COL19A1: variants seen among roughly 807,000 people sequenced by gnomAD.
The protein encoded by COL19A1 is collagen alpha-1(XIX) chain.
In COL19A1, 159 loss-of-function variants were observed where a neutral mutation model predicts 190.2. The observed-to-expected ratio is 0.84, with a 90% CI of 0.73 to 0.95. COL19A1 has a LOEUF of 0.95. Ranked by LOEUF, COL19A1 falls within the 40% of genes least tolerant of loss-of-function variation. COL19A1 has a pLI of 0.00. For missense variants in COL19A1, 1,418 were observed against 1,431.9 expected, an observed-to-expected ratio of 0.99 and a Z score of 0.16; for synonymous variants, 509 against 458.9, an observed-to-expected ratio of 1.11 and a Z score of -1.39.
intron 8 of COL19A1, 115 bp from the exon 9 acceptor site, chr6:69,937,923 G>A (rs1773212268): frequency 5.3e-6 from 5 of 940,888 alleles, no homozygotes; most frequent in Admixed American, 4.6e-5. Flanking sequence ...CTAAGCATCA[G>A]CTCAGAGGAG....
Position 70,144,987 on chromosome 6 carries a change from A to G in COL19A1, c.1750A>G (p.Lys584Glu). 1.3e-6 allele frequency: 2 copies of G among 1,590,090 alleles called. No homozygotes were observed. Among genetic ancestry groups the G allele is most frequent in the Non-Finnish European group, 1.7e-6 (2 of 1,166,430 alleles). Residue 584 changes from lysine (K) to glutamate (E), a missense_variant, in exon 25 of 51, where the codon AAA becomes GAA. By Grantham distance (56) the Lys-to-Glu change is moderately conservative. Transcript: ENST00000620364. ...GPKGEAGPPGKSLPGEPGLDG... is the reference protein window; with the variant it reads ...GPKGEAGPPGESLPGEPGLDG... ...AAAAGGTGAGGCTGGTCCTCCAGGG[A>G]AAAGCCTGCCAGGGGAACCAGTAAG...
intron 9 of COL19A1, among the ~76,000 whole-genome samples, chr6:69,942,995 A>G (rs1224844651): frequency 4.6e-5 from 7 of 152,058 alleles, no homozygotes; most frequent in African/African-American, 1.7e-4. Context: ...CATAATAGCT[A>G]TACTAATTTA....
At chr6:69,953,172 T>G (rs1774218872) in intron 9 of COL19A1, among the ~76,000 whole-genome samples, 1 of 152,080 alleles carries the variant, frequency 6.6e-6, no homozygotes, top group African/African-American at 2.4e-5. Context: ...AATGGAATAC[T>G]TCCTGCCTAT....
intron 4 of COL19A1, among the ~76,000 whole-genome samples, chr6:69,926,665 G>A (rs939732339): frequency 2.6e-5 from 4 of 152,016 alleles, no homozygotes; most frequent in African/African-American, 9.7e-5. Flanking sequence ...TGCATAATAG[G>A]AATTCTAGGA....
intron 18 of COL19A1, among the ~76,000 whole-genome samples, chr6:70,130,570 C>T (rs956327854): frequency 1.3e-5 from 2 of 152,334 alleles, no homozygotes; most frequent in African/African-American, 2.4e-5. Flanking sequence ...GTATTTTATA[C>T]GGACTTACAC....
chr6:70,091,415 C>T (rs1782918430), intron 15 of COL19A1, among the ~76,000 whole-genome samples: 1 of 152,088 alleles, frequency 6.6e-6, no homozygotes, highest in Non-Finnish European at 1.5e-5. Context: ...AAGGTATTTC[C>T]AGAGCATGGT....
At chr6:69,938,619 AAG>A (rs1323725718) in intron 9 of COL19A1, among the ~76,000 whole-genome samples, 1 of 152,152 alleles carries the variant, frequency 6.6e-6, no homozygotes, top group Non-Finnish European at 1.5e-5. Context: ...TACATCTAGA[AAG>A]AGATCGTGGA....
intron 41 of COL19A1, among the ~76,000 whole-genome samples, chr6:70,173,180 GA>G (rs909201684): frequency 1.3e-5 from 2 of 152,208 alleles, no homozygotes; most frequent in African/African-American, 4.8e-5. Flanking sequence ...ACCAAATTTG[GA>G]GATATCTGTT....
chr6:69,955,282 C>T (rs546446764), intron 9 of COL19A1, among the ~76,000 whole-genome samples: 49 of 152,140 alleles, frequency 3.2e-4, no homozygotes, highest in African/African-American at 1.0e-3. Flanking sequence ...TAGGAAGAAA[C>T]TTTTACCTCT....
intron 4 of COL19A1, among the ~76,000 whole-genome samples, chr6:69,926,582 A>G (rs1772412549): frequency 6.6e-6 from 1 of 152,112 alleles, no homozygotes; most frequent in Non-Finnish European, 1.5e-5. Context: ...AGATAGTTCA[A>G]TTAGTCTGCA....
intron 15 of COL19A1, chr6:70,098,366 T>G (rs1350166834): frequency 2.0e-6 from 1 of 497,828 alleles, no homozygotes; most frequent in Non-Finnish European, 4.0e-6. Flanking sequence ...GAACATTTAT[T>G]GTGTGACTAA....
chr6:70,150,178 T>A, intron 30 of COL19A1, 133 bp downstream of exon 30: 1 of 917,168 alleles, frequency 1.1e-6, no homozygotes, highest in Non-Finnish European at 1.7e-6. Flanking sequence ...TTATCCCCAT[T>A]ATTTTGTCGA....
chr6:70,126,262 C>A (rs1034619224), intron 17 of COL19A1, among the ~76,000 whole-genome samples: 3 of 152,124 alleles, frequency 2.0e-5, no homozygotes, highest in African/African-American at 4.8e-5. Flanking sequence ...AAGCCTTTAT[C>A]CAAAATCCAA....
intron 4 of COL19A1, among the ~76,000 whole-genome samples, chr6:69,902,679 T>C (rs557515885): frequency 6.6e-6 from 1 of 152,278 alleles, no homozygotes; most frequent in South Asian, 2.1e-4. Flanking sequence ...GCTAAAGTTA[T>C]AGGGAAGCTT....
At chr6:69,942,979 G>C (rs527328102) in intron 9 of COL19A1, among the ~76,000 whole-genome samples, 1 of 152,076 alleles carries the variant, frequency 6.6e-6, no homozygotes, top group Non-Finnish European at 1.5e-5. Flanking sequence ...TTTCCATACT[G>C]TTCTCCATAA....
chr6:70,030,349 A>G (rs556347125), intron 12 of COL19A1, among the ~76,000 whole-genome samples: 5 of 152,172 alleles, frequency 3.3e-5, no homozygotes, highest in African/African-American at 1.2e-4. Context: ...AACATATATG[A>G]TGGTTATAAA....
intron 9 of COL19A1, among the ~76,000 whole-genome samples, chr6:69,953,462 G>A (rs1008303608): frequency 5.3e-5 from 8 of 151,852 alleles, no homozygotes; most frequent in African/African-American, 1.9e-4. Context: ...GCTCTTACAT[G>A]GAATAACTGT....
chr6:70,112,842 T>C (rs933021498), intron 16 of COL19A1, among the ~76,000 whole-genome samples: 3 of 152,138 alleles, frequency 2.0e-5, no homozygotes, highest in African/African-American at 7.2e-5. Flanking sequence ...CATACAACCA[T>C]AAACGGCCTA....
intron 4 of COL19A1, among the ~76,000 whole-genome samples, chr6:69,924,262 C>T (rs1380546414): frequency 6.6e-6 from 1 of 151,988 alleles, no homozygotes; most frequent in Non-Finnish European, 1.5e-5. Flanking sequence ...TTCCCCCCAC[C>T]CCATGACAGG....
Sources: allele counts gnomAD v4.1 joint callset (sites outside exome capture counted in the v4.1 genomes callset), GRCh38; gene constraint gnomAD v4.1.1; transcripts MANE v1.5; gene names NCBI Gene and HGNC (gene_info 2026-07-23, HGNC 2026-07-21).